RPS6KA3: variants seen among roughly 807,000 people sequenced by gnomAD.
RPS6KA3 encodes the protein ribosomal protein S6 kinase alpha-3.
Under a neutral mutation model 67.2 loss-of-function variants are expected in RPS6KA3, and 4 were observed. The observed-to-expected ratio is 0.06, with a 90% CI of 0.03 to 0.14. The LOEUF (loss-of-function observed/expected upper bound fraction) is 0.14. RPS6KA3 is among the 10% of genes least tolerant of loss of function. The pLI, the probability that RPS6KA3 is intolerant of heterozygous loss-of-function variation, is 1.00. For missense variants in RPS6KA3, 204 were observed against 559.0 expected (o/e 0.36, Z 6.40); for synonymous variants, 182 against 183.7 (o/e 0.99, Z 0.07).
intron 2 of RPS6KA3, among the ~76,000 whole-genome samples, chrX:20,228,874 C>T (rs988470959): frequency 8.9e-6 from 1 of 111,895 alleles, no homozygotes; most frequent in African/African-American, 3.2e-5. Flanking sequence ...TCTTATTCTC[C>T]TTGTTGTTTT....
chrX:20,264,705 G>A (rs994357639), intron 1 of RPS6KA3, among the ~76,000 whole-genome samples: 1 of 111,744 alleles, frequency 8.9e-6, no homozygotes, highest in Non-Finnish European at 1.9e-5. Flanking sequence ...AGGATAAGGT[G>A]GAATTCTAAA....
At position 20,186,277 on chromosome X, in the gene RPS6KA3, A is replaced by G; in HGVS notation, c.845+19T>C. On this transcript the variant is annotated intron_variant, in intron 10 of 21. Coordinates refer to ENST00000379565, the MANE Select transcript of RPS6KA3 (RefSeq NM_004586.3). ...ATTTTAAAATCTCATCAAAACATCT[A>G]TATTAAGGGAGTACTTACTTAAGAA... 9.7e-7 allele frequency: 1 copy of G among 1,029,526 alleles called. No individual in the cohort carries two copies. Among genetic ancestry groups the G allele is most frequent in the Non-Finnish European group, 1.4e-6 (1 of 730,582 alleles). The allele number at this position is 1,029,526 out of a possible 1,213,427, so 84.8% of individuals were successfully genotyped here.
At chrX:20,200,860 T>A (rs1403795345) in intron 4 of RPS6KA3, among the ~76,000 whole-genome samples, 2 of 110,581 alleles carry the variant, frequency 1.8e-5, no homozygotes, top group Non-Finnish European at 3.8e-5. Flanking sequence ...TTATTCTATT[T>A]TTTGTAGAGA....
At chrX:20,184,260 G>A (rs1479215582) in intron 10 of RPS6KA3, among the ~76,000 whole-genome samples, 1 of 111,324 alleles carries the variant, frequency 9.0e-6, no homozygotes, top group Non-Finnish European at 1.9e-5. Flanking sequence ...TGTTGGCCAG[G>A]CTGGTCTCGA....
upstream of RPS6KA3, chrX:20,266,988 A>ACCG (rs1350306004): frequency 3.6e-5 from 27 of 746,612 alleles, no homozygotes; most frequent in Non-Finnish European, 3.9e-5. Flanking sequence ...CAGAACAGCG[A>ACCG]CCGCCGCGCG....
intron 2 of RPS6KA3, among the ~76,000 whole-genome samples, chrX:20,210,024 A>G (rs2068672007): frequency 8.9e-6 from 1 of 112,244 alleles, no homozygotes; most frequent in Admixed American, 9.5e-5. Context: ...ACACAAAAGG[A>G]GAAAAGATTT....
chrX:20,214,948 C>T (rs757925714), intron 2 of RPS6KA3, among the ~76,000 whole-genome samples: 1 of 107,775 alleles, frequency 9.3e-6, no homozygotes, highest in African/African-American at 3.4e-5. Context: ...CAGTGATCCT[C>T]CCACCTCAGC....
intron 7 of RPS6KA3, among the ~76,000 whole-genome samples, chrX:20,191,948 T>A (rs765139203): frequency 3.6e-5 from 4 of 110,337 alleles, no homozygotes; most frequent in Non-Finnish European, 7.6e-5. Context: ...GTATTTTTAA[T>A]AGAGACGGGG....
intron 1 of RPS6KA3, among the ~76,000 whole-genome samples, chrX:20,247,066 TGTA>T (rs1569268791): frequency 1.8e-5 from 2 of 112,235 alleles, no homozygotes; most frequent in South Asian, 7.3e-4. Flanking sequence ...TAACCACAAA[TGTA>T]GTTTCTAATT....
chrX:20,213,983 G>T (rs1371808494), intron 2 of RPS6KA3, among the ~76,000 whole-genome samples: 1 of 110,417 alleles, frequency 9.1e-6, no homozygotes, highest in Admixed American at 9.5e-5. Context: ...TTAAATTCAT[G>T]ATAAATTTTA....
intron 2 of RPS6KA3, among the ~76,000 whole-genome samples, chrX:20,216,586 G>T (rs1364535005): frequency 9.1e-6 from 1 of 110,445 alleles, no homozygotes; most frequent in Non-Finnish European, 1.9e-5. Context: ...TATGGAAAGG[G>T]GGGGGTTGTA....
At chrX:20,211,079 T>C (rs2068702094) in intron 2 of RPS6KA3, among the ~76,000 whole-genome samples, 1 of 110,983 alleles carries the variant, frequency 9.0e-6, no homozygotes, top group African/African-American at 3.3e-5. Context: ...AATACTATTA[T>C]TGAGCACCTA....
intron 1 of RPS6KA3, among the ~76,000 whole-genome samples, chrX:20,258,295 T>A (rs781481494): frequency 8.0e-5 from 9 of 112,169 alleles, no homozygotes; most frequent in Non-Finnish European, 1.3e-4. Flanking sequence ...AAATTTTTTG[T>A]GATTTTAAGT....
chrX:20,192,615 T>TTTA (rs1313323312), intron 7 of RPS6KA3, among the ~76,000 whole-genome samples: 1 of 97,185 alleles, frequency 1.0e-5, no homozygotes, highest in African/African-American at 3.9e-5. Context: ...TTTTTTTTTT[T>TTTA]TTGAGACAGG....
At chrX:20,161,214 T>G (rs756446016) in intron 20 of RPS6KA3, among the ~76,000 whole-genome samples, 2 of 112,349 alleles carry the variant, frequency 1.8e-5, no homozygotes, top group Middle Eastern at 4.6e-3. Context: ...ATATTTAGTT[T>G]GAAGCACCCA....
At chrX:20,225,739 G>A (rs1238235609) in intron 2 of RPS6KA3, among the ~76,000 whole-genome samples, 1 of 111,737 alleles carries the variant, frequency 8.9e-6, no homozygotes, top group Non-Finnish European at 1.9e-5. Flanking sequence ...CTGTTAACAT[G>A]GCTGTTAAGG....
At chrX:20,213,464 G>A (rs956894827) in intron 2 of RPS6KA3, among the ~76,000 whole-genome samples, 1 of 111,153 alleles carries the variant, frequency 9.0e-6, no homozygotes, top group Non-Finnish European at 1.9e-5. Context: ...TCTTTTCTCT[G>A]CTTTGGACAG....
chrX:20,182,038 C>T (rs1358806465), intron 10 of RPS6KA3, among the ~76,000 whole-genome samples: 1 of 111,554 alleles, frequency 9.0e-6, no homozygotes, highest in Non-Finnish European at 1.9e-5. Flanking sequence ...TTATGTAGCA[C>T]ATCTTTTTAG....
At chrX:20,210,085 TG>T (rs778849053) in intron 2 of RPS6KA3, among the ~76,000 whole-genome samples, 1 of 112,185 alleles carries the variant, frequency 8.9e-6, no homozygotes, top group African/African-American at 3.2e-5. Flanking sequence ...TTCAGCATGA[TG>T]GAACAGTGAG....
Sources: gnomAD v4.1 joint callset for allele counts (sites outside exome capture counted in the v4.1 genomes callset) on GRCh38, gnomAD v4.1.1 for gene constraint, MANE v1.5 for transcripts, NCBI Gene and HGNC (gene_info 2026-07-23, HGNC 2026-07-21) for gene names.